The following HECTD4 variants were observed in gnomAD, a reference collection of about 807,000 sequenced individuals.
HECTD4 encodes HECT domain E3 ubiquitin protein ligase 4, also known as probable E3 ubiquitin-protein ligase HECTD4.
HECTD4 carries 114 observed loss-of-function variants against 471.5 expected under a neutral mutation model. The observed-to-expected ratio is 0.24, with a 90% CI of 0.21 to 0.28. The LOEUF is 0.28. HECTD4 is among the 10% of genes least tolerant of loss of function. The pLI is 1.00. For missense variants in HECTD4, 3,866 were observed against 5,651.5 expected, an observed-to-expected ratio of 0.68 and a Z score of 10.13; for synonymous variants, 2,012 against 2,256.0, an observed-to-expected ratio of 0.89 and a Z score of 3.07.
At chr12:112,313,234 C>T in intron 3 of HECTD4, 87 bp from the exon 4 acceptor site, 1 of 1,079,072 alleles carries the variant, frequency 9.3e-7, no homozygotes, top group Non-Finnish European at 1.2e-6. Flanking sequence ...GAGTAGAAAC[C>T]AAAATTTTAA....
chr12:112,302,978 CTTTT>C (rs3031817), intron 7 of HECTD4, among the ~76,000 whole-genome samples: 3 of 120,696 alleles, frequency 2.5e-5, no homozygotes, highest in Admixed American at 8.3e-5. Context: ...TTTGTCTGCT[CTTTT>C]TTTTTTTTTT....
chr12:112,200,027 G>A (rs1026516629), intron 55 of HECTD4, among the ~76,000 whole-genome samples: 2 of 152,152 alleles, frequency 1.3e-5, no homozygotes, highest in African/African-American at 2.4e-5. Flanking sequence ...GCTGTCTCCG[G>A]TTGAGATTGC....
At chr12:112,286,282 C>T (rs1034655450) in intron 7 of HECTD4, among the ~76,000 whole-genome samples, 8 of 152,204 alleles carry the variant, frequency 5.3e-5, no homozygotes, top group Non-Finnish European at 1.0e-4. Context: ...AAGTCCACAT[C>T]ATCTCAAGAG....
rs1305495548 is a variant in HECTD4, at chr12:112,313,151, T to A, written c.786-4A>T. On this transcript the variant is annotated splice_region_variant and splice_polypyrimidine_tract_variant and intron_variant, in intron 3 of 75. Transcript: ENST00000682272. ...CCCCCCTTCCAAAAGCAACAGCCTA[T>A]ATGGGGGAGAAAGAAAATCACAAAG... is the stretch of plus-strand genomic sequence containing the variant. 21 of 1,531,688 alleles carry A rather than the reference T, an allele frequency of 1.4e-5. No homozygotes were observed. Among genetic ancestry groups the A allele is most frequent in the Non-Finnish European group, 1.8e-5 (21 of 1,144,508 alleles). 94.9% of individuals were successfully genotyped at this position (1,531,688 alleles called of 1,614,324 possible).
chr12:112,163,604 T>C lies in HECTD4; in HGVS notation c.12835A>G (p.Ser4279Gly). ...IIPLQLLTML[S>G]PLEMELRTCG... is the part of the protein sequence containing the mutation. The stretch of plus-strand genomic sequence containing the variant: ...GTGCGCAGCTCCATCTCCAGTGGGC[T>C]GAGCATGGTCAGCAGCTGCAGGGGG... The change falls in exon 74 of 76, where the codon AGC (serine) becomes GGC (glycine). Residue 4279 changes from serine to glycine, a missense_variant. Physicochemically the swap from Ser to Gly is moderately conservative, Grantham distance 56. Coordinates refer to ENST00000682272, the MANE Select transcript of HECTD4 (RefSeq NM_001388303.1). The surrounding 1 kb of genome is among the most constrained non-coding windows in gnomAD (Gnocchi z 8.2). 6.5e-7 allele frequency: 1 copy of C among 1,534,582 alleles called. No individual in the cohort carries two copies. Among genetic ancestry groups the C allele is most frequent in the Non-Finnish European group, 8.8e-7 (1 of 1,140,174 alleles).
chr12:112,282,154 T>C (rs1051585224), intron 8 of HECTD4, among the ~76,000 whole-genome samples: 3 of 151,946 alleles, frequency 2.0e-5, no homozygotes, highest in South Asian at 2.1e-4. Context: ...GAGGCCAAGG[T>C]GGGCGGATCA....
At chr12:112,212,439 C>G (rs1423772853) in intron 49 of HECTD4, 48 bp downstream of exon 49, 11 of 1,461,162 alleles carry the variant, frequency 7.5e-6, no homozygotes, top group African/African-American at 1.4e-5. Flanking sequence ...CTAACAGGAA[C>G]AGGTGATGAA....
chr12:112,185,452 C>T lies in HECTD4; in HGVS notation c.9514G>A (p.Glu3172Lys). The T allele has an allele frequency of 6.4e-7, 1 of 1,571,766 alleles. No homozygotes were observed. Among genetic ancestry groups the T allele is most frequent in the Non-Finnish European group, 8.6e-7 (1 of 1,157,878 alleles). Residue 3172 changes from glutamate (E) to lysine (K), a missense_variant, in exon 61 of 76, where the codon GAG (glutamate) becomes AAG (lysine). By Grantham distance (56) the Glu-to-Lys change is moderately conservative. This residue lies in a region of HECTD4 where 364 missense variants were observed against 413.2 expected (regional missense o/e 0.88). Transcript: ENST00000682272. The stretch of plus-strand genomic sequence containing the variant: ...TCTGCCAGGAGATGGAAAACAAGCT[C>T]CTTCACGCAGGCTGCCATGTCCGTG... ...WTTDMAACVK[E>K]LVFHLLAELL...
intron 23 of HECTD4, among the ~76,000 whole-genome samples, chr12:112,251,575 T>A (rs2033888651): frequency 6.6e-6 from 1 of 152,176 alleles, no homozygotes; most frequent in Non-Finnish European, 1.5e-5. Context: ...CCAGCCATTG[T>A]TCTAGGTGCC....
intron 64 of HECTD4, among the ~76,000 whole-genome samples, chr12:112,177,295 G>A (rs1380346619): frequency 1.3e-5 from 2 of 151,324 alleles, no homozygotes; most frequent in Non-Finnish European, 1.5e-5. Context: ...TCATCTCTGT[G>A]TACTCGAGAG....
chr12:112,225,620 CAAAAA>C, intron 44 of HECTD4, among the ~76,000 whole-genome samples: 1 of 56,308 alleles, frequency 1.8e-5, no homozygotes, highest in Middle Eastern at 0.012. Context: ...AATTGTAAGG[CAAAAA>C]AAAAAAAAAA....
chr12:112,216,202 A>G, intron 48 of HECTD4, 90 bp downstream of exon 48: 1 of 853,490 alleles, frequency 1.2e-6, no homozygotes, highest in South Asian at 1.5e-5. Flanking sequence ...CCCATTTCCA[A>G]TTGCTAAATT....
intron 1 of HECTD4, among the ~76,000 whole-genome samples, chr12:112,325,689 A>G (rs2035727236): frequency 6.6e-6 from 1 of 152,220 alleles, no homozygotes; most frequent in African/African-American, 2.4e-5. Flanking sequence ...CTTAATCAGA[A>G]GTGTTACTAA....
intron 21 of HECTD4, among the ~76,000 whole-genome samples, chr12:112,255,155 C>T (rs926116948): frequency 1.3e-5 from 2 of 151,356 alleles, no homozygotes; most frequent in Non-Finnish European, 2.9e-5. Flanking sequence ...ATTGGAAATG[C>T]AAAATACAGT....
At chr12:112,186,509 G>T (rs1485178438) in intron 60 of HECTD4, among the ~76,000 whole-genome samples, 1 of 149,822 alleles carries the variant, frequency 6.7e-6, no homozygotes, top group African/African-American at 2.5e-5. Context: ...GTTAATTTTT[G>T]TATTTTTAGT....
rs1171375865 is a variant in HECTD4, at chr12:112,163,683, C to T, written c.12756G>A (p.Glu4252=). ...AAAIRSLRLR[E]LQNVECVTAV... is the part of the protein sequence containing the mutation. ...CCGTCACGCACTCCACATTCTGCAGCTCCCGCAGCCGCAGGCTCCGGATGG... is the reference window on the plus strand; with the variant it reads ...CCGTCACGCACTCCACATTCTGCAGTTCCCGCAGCCGCAGGCTCCGGATGG... The change falls in exon 74 of 76, where the codon GAG becomes GAA. Residue 4252 remains glutamate (E), a synonymous_variant. Coordinates refer to ENST00000682272, the MANE Select transcript of HECTD4 (RefSeq NM_001388303.1). The surrounding 1 kb of genome is among the most constrained non-coding windows in gnomAD (Gnocchi z 8.2). 2.6e-6 allele frequency: 4 copies of T among 1,521,670 alleles called. No homozygotes were observed. Among genetic ancestry groups the T allele is most frequent in the South Asian group, 1.3e-5 (1 of 79,882 alleles). 94.3% of individuals were successfully genotyped at this position (1,521,670 alleles called of 1,614,324 possible).
In HECTD4 at chr12:112,226,627, A is replaced by G; in HGVS notation, c.6970+16T>C. The G allele has an allele frequency of 6.5e-7, 1 of 1,532,514 alleles. No homozygotes were observed. Among genetic ancestry groups the G allele is most frequent in the Non-Finnish European group, 9.0e-7 (1 of 1,114,192 alleles). 94.9% of individuals were successfully genotyped at this position (1,532,514 alleles called of 1,614,324 possible). ...ATTCAATAAAACAGGGTGGTAAGGC[A>G]AGTTCAGGTACTCACCAGCACTACA... On this transcript the variant is annotated intron_variant, in intron 44 of 75. Coordinates refer to ENST00000682272, the MANE Select transcript of HECTD4 (RefSeq NM_001388303.1).
Position 112,266,074 on chromosome 12 carries a change from T to C in HECTD4, c.2393-91A>G, listed in dbSNP as rs566326760. Reference sequence around the variant, plus strand: ...AAAAAGTTTTTAAACAAATAGATTGTCGGCAAGCTAGGGGCACCAGACATA... The same window carrying C: ...AAAAAGTTTTTAAACAAATAGATTGCCGGCAAGCTAGGGGCACCAGACATA... On this transcript the variant is annotated intron_variant, in intron 14 of 75. Coordinates refer to ENST00000682272, the MANE Select transcript of HECTD4 (RefSeq NM_001388303.1). 5.1e-5 allele frequency: 45 copies of C among 887,576 alleles called. No homozygotes were observed. In the African/African-American group the frequency reaches 7.2e-4, roughly 14 times the overall value. 55.0% of individuals were successfully genotyped at this position (887,576 alleles called of 1,614,324 possible).
chr12:112,364,665 A>C (rs1479982111), intron 1 of HECTD4, among the ~76,000 whole-genome samples: 1 of 152,044 alleles, frequency 6.6e-6, no homozygotes, highest in Non-Finnish European at 1.5e-5. Context: ...GGAGGTCCAG[A>C]CTGCAGTGAG....
Sources: gnomAD v4.1 joint callset for allele counts (sites outside exome capture counted in the v4.1 genomes callset) on GRCh38, gnomAD v4.1.1 for gene constraint, gnomAD v4.1.1 regional missense constraint, Gnocchi (gnomAD v3.1) non-coding constraint, MANE v1.5 for transcripts, NCBI Gene and HGNC (gene_info 2026-07-23, HGNC 2026-07-21) for gene names.